RBFOX1: variants seen among roughly 807,000 people sequenced by gnomAD.
The protein encoded by RBFOX1 is RNA binding protein fox-1 homolog 1.
RBFOX1 carries 8 observed loss-of-function variants against 57.7 expected under a neutral mutation model. The observed-to-expected ratio is 0.14, with a 90% CI of 0.08 to 0.25. The LOEUF is 0.25. Among genes scored for constraint, RBFOX1 ranks in the 10% least tolerant of loss-of-function variants. The pLI is 1.00. For synonymous variants in RBFOX1, 326 were observed against 222.4 expected, an observed-to-expected ratio of 1.47 and a Z score of -4.15; for missense variants, 611 against 548.5, an observed-to-expected ratio of 1.11 and a Z score of -1.14.
intron 3 of RBFOX1, among the ~76,000 whole-genome samples, chr16:6,771,419 C>A (rs548805891): frequency 6.6e-6 from 1 of 152,112 alleles, no homozygotes; most frequent in Non-Finnish European, 1.5e-5. Context: ...CAAGCTAATA[C>A]ACTTCTGCTC....
chr16:7,064,465 G>T (rs952412931), intron 4 of RBFOX1, among the ~76,000 whole-genome samples: 1 of 152,058 alleles, frequency 6.6e-6, no homozygotes, highest in African/African-American at 2.4e-5. Flanking sequence ...CACCATGCCT[G>T]GCTGGGTGGT....
chr16:7,637,377 C>T (rs192396960), intron 11 of RBFOX1, among the ~76,000 whole-genome samples: 89 of 152,096 alleles, frequency 5.9e-4, no homozygotes, highest in African/African-American at 2.0e-3. Context: ...TTCTATGAAA[C>T]TCAAGGGCAG....
chr16:7,314,957 G>C (rs2096403429), intron 4 of RBFOX1, among the ~76,000 whole-genome samples: 2 of 152,116 alleles, frequency 1.3e-5, no homozygotes, highest in Non-Finnish European at 1.5e-5. Flanking sequence ...TTCTTCTCTT[G>C]AGTAAGCCAC....
At chr16:7,019,491 C>G (rs1216455878) in intron 3 of RBFOX1, among the ~76,000 whole-genome samples, 2 of 152,098 alleles carry the variant, frequency 1.3e-5, no homozygotes, top group African/African-American at 4.8e-5. Context: ...TTGTCAAAAG[C>G]TCTCTTGTCT....
intron 4 of RBFOX1, among the ~76,000 whole-genome samples, chr16:7,314,439 C>G (rs1004098054): frequency 6.6e-6 from 1 of 152,134 alleles, no homozygotes; most frequent in African/African-American, 2.4e-5. Flanking sequence ...TTCCTGAGCT[C>G]TGAGATGGTG....
At chr16:5,864,673 G>T (rs767924629) in intron 3 of RBFOX1, among the ~76,000 whole-genome samples, 1 of 151,864 alleles carries the variant, frequency 6.6e-6, no homozygotes, top group African/African-American at 2.4e-5. Context: ...CTGTATGATA[G>T]TTTATAATAT....
intron 4 of RBFOX1, among the ~76,000 whole-genome samples, chr16:5,943,972 C>T (rs1052465044): frequency 1.3e-5 from 2 of 151,568 alleles, no homozygotes; most frequent in South Asian, 2.1e-4. Flanking sequence ...TCCACCCCCC[C>T]ACCCATCCAT....
chr16:5,904,902 G>A (rs1240021051), intron 4 of RBFOX1, among the ~76,000 whole-genome samples: 16 of 149,066 alleles, frequency 1.1e-4, no homozygotes, highest in Middle Eastern at 3.5e-3. Flanking sequence ...GCGTGAACCC[G>A]GGAGGCGGAG....
chr16:5,865,282 T>C (rs527867263), intron 3 of RBFOX1, among the ~76,000 whole-genome samples: 107 of 152,282 alleles, frequency 7.0e-4, no homozygotes, highest in African/African-American at 2.5e-3. Context: ...TCTTGTGTGC[T>C]TGTGCTTTAC....
intron 2 of RBFOX1, among the ~76,000 whole-genome samples, chr16:6,485,501 CAT>C (rs1208430260): frequency 2.0e-5 from 3 of 152,066 alleles, no homozygotes; most frequent in African/African-American, 7.2e-5. Flanking sequence ...TACACTTTAA[CAT>C]ATGTTTTGCA....
chr16:7,644,393 T>C (rs1263132152), intron 11 of RBFOX1, among the ~76,000 whole-genome samples: 1 of 152,210 alleles, frequency 6.6e-6, no homozygotes, highest in Admixed American at 6.5e-5. Context: ...GTTGGAATTT[T>C]GCCAACTGCA....
intron 2 of RBFOX1, among the ~76,000 whole-genome samples, chr16:6,510,628 C>G (rs993329750): frequency 1.3e-5 from 2 of 152,086 alleles, no homozygotes; most frequent in Non-Finnish European, 2.9e-5. Context: ...GGCTCCCTAC[C>G]AAATGATTTT....
chr16:5,365,111 G>C (rs186239355), intron 1 of RBFOX1, among the ~76,000 whole-genome samples: 1 of 152,232 alleles, frequency 6.6e-6, no homozygotes, highest in East Asian at 1.9e-4. Flanking sequence ...ACTGCTGTGG[G>C]CAGCTGGCAC....
intron 3 of RBFOX1, among the ~76,000 whole-genome samples, chr16:6,687,771 G>A (rs1199214423): frequency 6.6e-6 from 1 of 152,084 alleles, no homozygotes; most frequent in African/African-American, 2.4e-5. Flanking sequence ...AGCCCAGAGT[G>A]GTCACATGAC....
At chr16:6,806,641 C>T (rs182558339) in intron 3 of RBFOX1, among the ~76,000 whole-genome samples, 199 of 151,358 alleles carry the variant, frequency 1.3e-3, no homozygotes, top group Non-Finnish European at 1.9e-3. Context: ...TACCTACACG[C>T]GGTAACAGAT....
chr16:6,827,540 C>G (rs992178445), intron 3 of RBFOX1, among the ~76,000 whole-genome samples: 1 of 152,150 alleles, frequency 6.6e-6, no homozygotes, highest in Non-Finnish European at 1.5e-5. Flanking sequence ...CATGTCACTC[C>G]TCTGTTCTCC....
At chr16:6,070,899 T>G (rs1431572136) in intron 1 of RBFOX1, among the ~76,000 whole-genome samples, 1 of 152,130 alleles carries the variant, frequency 6.6e-6, no homozygotes, top group Non-Finnish European at 1.5e-5. Flanking sequence ...GTTTTTCATC[T>G]AATGCTCAGA....
At chr16:6,104,670 A>G (rs1007571035) in intron 1 of RBFOX1, among the ~76,000 whole-genome samples, 8 of 152,190 alleles carry the variant, frequency 5.3e-5, no homozygotes, top group Non-Finnish European at 7.3e-5. Flanking sequence ...ATGTCCATCA[A>G]CTGGTGAGTC....
chr16:5,289,788 G>T (rs1012639112), intron 1 of RBFOX1, among the ~76,000 whole-genome samples: 15 of 152,232 alleles, frequency 9.9e-5, no homozygotes, highest in Non-Finnish European at 1.9e-4. Context: ...GTCTCTCAGG[G>T]TGAGGAAAGG....
Sources: gnomAD v4.1 joint callset for allele counts (sites outside exome capture counted in the v4.1 genomes callset) on GRCh38, gnomAD v4.1.1 for gene constraint, MANE v1.5 for transcripts, NCBI Gene and HGNC (gene_info 2026-07-23, HGNC 2026-07-21) for gene names.